Variants in CLYBL observed in about 807,000 individuals in gnomAD.
CLYBL encodes citramalyl-CoA lyase, mitochondrial.
A neutral mutation model predicts 38.9 loss-of-function variants in CLYBL; 31 were observed. The observed-to-expected ratio is 0.80, with a 90% confidence interval of 0.60 to 1.08. The LOEUF (loss-of-function observed/expected upper bound fraction) is 1.08. CLYBL is among the 50% of genes least tolerant of loss of function. The pLI is 0.00. For missense variants in CLYBL, 434 were observed against 411.6 expected, an observed-to-expected ratio of 1.05 and a Z score of -0.47; for synonymous variants, 171 against 158.6, an observed-to-expected ratio of 1.08 and a Z score of -0.59.
At chr13:99,817,097 C>CAGGTTTTATCCCTGCTA (rs1421367476) in intron 2 of CLYBL, among the ~76,000 whole-genome samples, 3 of 152,154 alleles carry the variant, frequency 2.0e-5, no homozygotes, top group African/African-American at 7.2e-5. Flanking sequence ...GTTCCATCAC[C>CAGGTTTTATCCCTGCTA]AGGTTTTATC....
chr13:99,745,054 C>T (rs1224354088), intron 1 of CLYBL, among the ~76,000 whole-genome samples: 1 of 152,222 alleles, frequency 6.6e-6, no homozygotes, highest in Non-Finnish European at 1.5e-5. Flanking sequence ...GTCATTAGCA[C>T]ATTCCAAGGG....
chr13:99,713,442 T>TAATC (rs1229024156), intron 1 of CLYBL, among the ~76,000 whole-genome samples: 1 of 148,918 alleles, frequency 6.7e-6, no homozygotes, highest in Non-Finnish European at 1.5e-5. Flanking sequence ...CAGGTCCAGG[T>TAATC]GATTCTCCTG....
intron 2 of CLYBL, among the ~76,000 whole-genome samples, chr13:99,847,111 A>C (rs1035286134): frequency 2.0e-4 from 31 of 152,282 alleles, no homozygotes; most frequent in African/African-American, 7.2e-4. Context: ...CATCACTCTA[A>C]ACTGCTCAGG....
intron 1 of CLYBL, among the ~76,000 whole-genome samples, chr13:99,680,863 A>G (rs1307263823): frequency 3.3e-5 from 5 of 152,226 alleles, no homozygotes; most frequent in Admixed American, 3.3e-4. Context: ...AGCATCAGAC[A>G]TGGACCCAAT....
intron 7 of CLYBL, among the ~76,000 whole-genome samples, chr13:99,883,090 T>G (rs888626532): frequency 6.6e-6 from 1 of 152,076 alleles, no homozygotes; most frequent in African/African-American, 2.4e-5. Flanking sequence ...TTCCTCTGCT[T>G]AGGGTCCAGG....
chr13:99,881,670 T>G (rs1485151888), intron 7 of CLYBL, among the ~76,000 whole-genome samples: 1 of 151,666 alleles, frequency 6.6e-6, no homozygotes, highest in African/African-American at 2.4e-5. Flanking sequence ...TAGGCGATCC[T>G]CCCGTCTTGG....
At chr13:99,624,416 G>A (rs1403700110) in intron 1 of CLYBL, among the ~76,000 whole-genome samples, 1 of 152,188 alleles carries the variant, frequency 6.6e-6, no homozygotes, top group Non-Finnish European at 1.5e-5. Context: ...GAGTGTGGGT[G>A]TATGTATGTT....
At chr13:99,836,483 C>T (rs936537937) in intron 2 of CLYBL, among the ~76,000 whole-genome samples, 1 of 152,162 alleles carries the variant, frequency 6.6e-6, no homozygotes, top group African/African-American at 2.4e-5. Context: ...AATAGGCCCG[C>T]ACCAAATGCA....
At chr13:99,791,890 G>C (rs967483134) in intron 2 of CLYBL, among the ~76,000 whole-genome samples, 1 of 152,050 alleles carries the variant, frequency 6.6e-6, no homozygotes, top group Non-Finnish European at 1.5e-5. Flanking sequence ...TATTGGGACA[G>C]ATAGGTTTTC....
At chr13:99,861,663 G>C (rs952624100) in intron 3 of CLYBL, among the ~76,000 whole-genome samples, 5 of 152,156 alleles carry the variant, frequency 3.3e-5, no homozygotes, top group Non-Finnish European at 5.9e-5. Flanking sequence ...CCCTTTGAAG[G>C]GGGGGCAGTG....
intron 2 of CLYBL, among the ~76,000 whole-genome samples, chr13:99,842,870 A>G: frequency 6.6e-6 from 1 of 152,258 alleles, no homozygotes; most frequent in South Asian, 2.1e-4. Flanking sequence ...TGGTGCTTAT[A>G]AATAGCCGCT....
In CLYBL at chr13:99,606,714, C is replaced by G; in HGVS notation, c.19C>G (p.Arg7Gly). MALRLL[R>G]RAARGAAAAA... ...CGGGAAGATGGCGCTACGTCTGCTGCGGAGGGCGGCGCGCGGAGCTGCGGC... is the reference window on the plus strand; with the variant it reads ...CGGGAAGATGGCGCTACGTCTGCTGGGGAGGGCGGCGCGCGGAGCTGCGGC... The change falls in exon 1 of 9, where the codon CGG becomes GGG. Residue 7 changes from arginine to glycine, a missense_variant. By Grantham distance (125) the Arg-to-Gly change is moderately radical. Coordinates refer to ENST00000339105, the MANE Select transcript of CLYBL (RefSeq NM_206808.5). 1 of 1,492,488 alleles carries G rather than the reference C, an allele frequency of 6.7e-7. No homozygotes were observed. The highest frequency in any genetic ancestry group is 8.9e-7 in the Non-Finnish European group (1 of 1,127,470). 92.5% of individuals were successfully genotyped at this position (1,492,488 alleles called of 1,614,324 possible).
At chr13:99,809,667 A>T (rs1196806538) in intron 2 of CLYBL, among the ~76,000 whole-genome samples, 1 of 152,254 alleles carries the variant, frequency 6.6e-6, no homozygotes, top group African/African-American at 2.4e-5. Flanking sequence ...GTTTTCAGCA[A>T]TTATGCCCTT....
intron 1 of CLYBL, among the ~76,000 whole-genome samples, chr13:99,713,607 T>C (rs1182558342): frequency 1.3e-5 from 2 of 152,192 alleles, no homozygotes; most frequent in Admixed American, 1.3e-4. Flanking sequence ...TCCAAAGTGC[T>C]GGGATTACAG....
intron 1 of CLYBL, among the ~76,000 whole-genome samples, chr13:99,610,677 T>C (rs2046612630): frequency 6.6e-6 from 1 of 152,164 alleles, no homozygotes; most frequent in South Asian, 2.1e-4. Context: ...CCACAGAGAC[T>C]GAAGGTTAGC....
chr13:99,683,059 T>TTATATATATA (rs369963152), intron 1 of CLYBL, among the ~76,000 whole-genome samples: 3 of 149,392 alleles, frequency 2.0e-5, no homozygotes, highest in African/African-American at 7.4e-5. Context: ...TTTATAAACT[T>TTATATATATA]TATATATATA....
chr13:99,848,727 C>G (rs2051263675), intron 2 of CLYBL, among the ~76,000 whole-genome samples: 1 of 152,224 alleles, frequency 6.6e-6, no homozygotes, highest in Admixed American at 6.5e-5. Context: ...TGCTAGAAAC[C>G]AGAAATTCTA....
At chr13:99,612,517 A>G (rs1359331951) in intron 1 of CLYBL, among the ~76,000 whole-genome samples, 1 of 151,214 alleles carries the variant, frequency 6.6e-6, no homozygotes, top group African/African-American at 2.4e-5. Context: ...CCTCCCAAGT[A>G]GCTGAGACTA....
chr13:99,866,288 A>G lies in CLYBL; in HGVS notation c.683A>G (p.Lys228Arg). Residue 228 changes from lysine (K) to arginine (R), a missense_variant, in exon 6 of 9, where the codon AAG becomes AGG. Physicochemically the swap from Lys to Arg is conservative, Grantham distance 26. Coordinates refer to ENST00000339105, the MANE Select transcript of CLYBL (RefSeq NM_206808.5). ...ETLDILYARQ[K>R]IVVIAKAFGL... Reference sequence around the variant, plus strand: ...CTGGATATTCTCTACGCCCGGCAAAAGATTGTTGTCATAGCGAAAGCCTTT... The same window carrying G: ...CTGGATATTCTCTACGCCCGGCAAAGGATTGTTGTCATAGCGAAAGCCTTT... 6.2e-7 allele frequency: 1 copy of G among 1,614,026 alleles called. No individual in the cohort carries two copies. The highest frequency in any genetic ancestry group is 8.5e-7 in the Non-Finnish European group (1 of 1,180,016).
Sources: allele counts gnomAD v4.1 joint callset (sites outside exome capture counted in the v4.1 genomes callset), GRCh38; gene constraint gnomAD v4.1.1; transcripts MANE v1.5; gene names NCBI Gene and HGNC (gene_info 2026-07-23, HGNC 2026-07-21).